FRMD4B: variants seen among roughly 807,000 people sequenced by gnomAD.
FRMD4B encodes the protein FERM domain-containing protein 4B.
In FRMD4B, 74 loss-of-function variants were observed where a neutral mutation model predicts 141.5. The ratio of observed to expected loss-of-function variants is 0.52; its 90% confidence interval spans 0.43 to 0.63. The LOEUF (loss-of-function observed/expected upper bound fraction) is 0.63, where lower values mean the gene tolerates loss of function less well. Among genes scored for constraint, FRMD4B ranks in the 30% least tolerant of loss-of-function variants. The pLI, the probability that FRMD4B is intolerant of heterozygous loss-of-function variation, is 0.00. For synonymous variants in FRMD4B, 506 were observed against 467.9 expected (o/e 1.08, Z -1.05); for missense variants, 1,366 against 1,253.4 (o/e 1.09, Z -1.36).
At chr3:69,374,025 G>T (rs1231865565) in intron 1 of FRMD4B, among the ~76,000 whole-genome samples, 1 of 152,176 alleles carries the variant, frequency 6.6e-6, no homozygotes, top group Non-Finnish European at 1.5e-5. Flanking sequence ...GAGGCACCAA[G>T]AAGTCAAGTA....
intron 1 of FRMD4B, among the ~76,000 whole-genome samples, chr3:69,465,108 C>T (rs1238005631): frequency 6.6e-6 from 1 of 152,092 alleles, no homozygotes; most frequent in Non-Finnish European, 1.5e-5. Context: ...ATCATGAGGT[C>T]AGGAGATTGA....
At chr3:69,191,713 G>T (rs1426673712) in intron 17 of FRMD4B, among the ~76,000 whole-genome samples, 1 of 152,204 alleles carries the variant, frequency 6.6e-6, no homozygotes, top group Admixed American at 6.5e-5. Context: ...TACTTTCACT[G>T]TAAAGGAGAA....
intron 1 of FRMD4B, among the ~76,000 whole-genome samples, chr3:69,445,009 T>A (rs1705391099): frequency 6.6e-6 from 1 of 152,254 alleles, no homozygotes; most frequent in African/African-American, 2.4e-5. Context: ...GTAATTCCTA[T>A]GCCACAATTA....
chr3:69,386,561 AAGAG>A (rs1353547844), upstream of FRMD4B, among the ~76,000 whole-genome samples: 1 of 128,972 alleles, frequency 7.8e-6, no homozygotes, highest in Admixed American at 8.2e-5. Flanking sequence ...ACAGATGCAG[AAGAG>A]AGAGAGAGAA....
At chr3:69,244,985 T>C (rs1049186098) in intron 7 of FRMD4B, among the ~76,000 whole-genome samples, 1 of 152,206 alleles carries the variant, frequency 6.6e-6, no homozygotes, top group African/African-American at 2.4e-5. Context: ...ATTATTTATA[T>C]GGGAAACAAG....
chr3:69,392,299 A>T (rs1406852944), intron 2 of FRMD4B, among the ~76,000 whole-genome samples: 1 of 152,142 alleles, frequency 6.6e-6, no homozygotes, highest in Non-Finnish European at 1.5e-5. Flanking sequence ...GTTCCAATAG[A>T]GACAGGTGAG....
At chr3:69,491,605 G>A (rs1559544041) in intron 1 of FRMD4B, among the ~76,000 whole-genome samples, 1 of 152,180 alleles carries the variant, frequency 6.6e-6, no homozygotes, top group Non-Finnish European at 1.5e-5. Flanking sequence ...GAAGAAAAGA[G>A]ACAGGGTTAA....
intron 5 of FRMD4B, among the ~76,000 whole-genome samples, chr3:69,253,909 C>T (rs1022617655): frequency 6.6e-6 from 1 of 151,938 alleles, no homozygotes; most frequent in African/African-American, 2.4e-5. Flanking sequence ...ATAGCGAAAC[C>T]CTGCTCTACA....
At chr3:69,231,150 A>G (rs750833494) in intron 7 of FRMD4B, among the ~76,000 whole-genome samples, 4 of 152,194 alleles carry the variant, frequency 2.6e-5, no homozygotes, top group Non-Finnish European at 5.9e-5. Flanking sequence ...AGACAAGAAA[A>G]CATTTACCAT....
At chr3:69,202,265 A>G (rs1330613577) in intron 11 of FRMD4B, among the ~76,000 whole-genome samples, 2 of 152,188 alleles carry the variant, frequency 1.3e-5, no homozygotes, top group Non-Finnish European at 2.9e-5. Context: ...GAAAGAAATC[A>G]AAGTTTAAAG....
intron 4 of FRMD4B, among the ~76,000 whole-genome samples, chr3:69,300,996 A>G (rs1027689225): frequency 6.6e-6 from 1 of 152,136 alleles, no homozygotes; most frequent in Non-Finnish European, 1.5e-5. Context: ...TCGGCCTCCC[A>G]AAGTGCTGGG....
chr3:69,278,833 C>T (rs111440170), intron 5 of FRMD4B, among the ~76,000 whole-genome samples: 18 of 152,186 alleles, frequency 1.2e-4, no homozygotes, highest in African/African-American at 1.7e-4. Context: ...AAGCGATCTG[C>T]GCATCTCAGC....
At chr3:69,298,500 C>G (rs1701106862) in intron 4 of FRMD4B, among the ~76,000 whole-genome samples, 1 of 152,326 alleles carries the variant, frequency 6.6e-6, no homozygotes, top group Middle Eastern at 3.4e-3. Context: ...GTTATGCTCT[C>G]AAGCTCAAAA....
intron 2 of FRMD4B, among the ~76,000 whole-genome samples, chr3:69,425,000 T>G (rs1052717376): frequency 5.9e-5 from 9 of 152,228 alleles, no homozygotes; most frequent in Non-Finnish European, 1.2e-4. Context: ...TGCTTTTATG[T>G]ACTTTACCTC....
At chr3:69,177,167 G>A (rs905655067) in intron 21 of FRMD4B, among the ~76,000 whole-genome samples, 1 of 151,996 alleles carries the variant, frequency 6.6e-6, no homozygotes, top group African/African-American at 2.4e-5. Flanking sequence ...GTGAAACCCT[G>A]TCTCTACCAA....
At chr3:69,479,299 C>T (rs944075151) in intron 1 of FRMD4B, among the ~76,000 whole-genome samples, 3 of 151,630 alleles carry the variant, frequency 2.0e-5, no homozygotes, top group African/African-American at 4.8e-5. Flanking sequence ...TTCTTCCTAG[C>T]CTCGATGGTC....
intron 1 of FRMD4B, among the ~76,000 whole-genome samples, chr3:69,468,236 C>T (rs1195904949): frequency 3.4e-5 from 1 of 29,540 alleles, no homozygotes; most frequent in African/African-American, 4.0e-4. Flanking sequence ...CTCATGAACT[C>T]CCAACAATCA....
chr3:69,205,567 C>A (rs972534203), intron 11 of FRMD4B, among the ~76,000 whole-genome samples: 2 of 152,172 alleles, frequency 1.3e-5, no homozygotes, highest in African/African-American at 4.8e-5. Flanking sequence ...GCACCCCTCC[C>A]ACTCCTCCCA....
At chr3:69,464,172 C>T (rs1705747752) in intron 1 of FRMD4B, among the ~76,000 whole-genome samples, 1 of 152,224 alleles carries the variant, frequency 6.6e-6, no homozygotes, top group Non-Finnish European at 1.5e-5. Flanking sequence ...AAATGATCAA[C>T]TGATTTGTAT....
Sources: allele counts gnomAD v4.1 joint callset (sites outside exome capture counted in the v4.1 genomes callset), GRCh38; gene constraint gnomAD v4.1.1; transcripts MANE v1.5; gene names NCBI Gene and HGNC (gene_info 2026-07-23, HGNC 2026-07-21).